The following MYO1E variants were observed in gnomAD, a reference collection of about 807,000 sequenced individuals.
MYO1E encodes the protein myosin IE.
A neutral mutation model predicts 151.1 loss-of-function variants in MYO1E; 68 were observed. The ratio of observed to expected loss-of-function variants is 0.45; its 90% CI spans 0.37 to 0.55. The LOEUF is 0.55. Ranked by LOEUF, MYO1E falls within the 20% of genes least tolerant of loss-of-function variation. The probability of loss-of-function intolerance (pLI) is 0.00; values close to 1 mark genes in which losing one functional copy is unlikely to be tolerated. For synonymous variants in MYO1E, 601 were observed against 501.7 expected, an observed-to-expected ratio of 1.20 and a Z score of -2.64; for missense variants, 1,363 against 1,389.3, an observed-to-expected ratio of 0.98 and a Z score of 0.30.
chr15:59,221,365 A>T (rs4775133), intron 9 of MYO1E, among the ~76,000 whole-genome samples: 142,977 of 152,086 alleles, frequency 0.94, 67,826 homozygotes, highest in East Asian at 1. Context: ...TAAGCCCCCA[A>T]TATTGCACAA....
At chr15:59,236,019 T>A (rs1387927774) in intron 5 of MYO1E, among the ~76,000 whole-genome samples, 1 of 152,190 alleles carries the variant, frequency 6.6e-6, no homozygotes, top group African/African-American at 2.4e-5. Flanking sequence ...GGGCTGCTGA[T>A]CTTTTTATTG....
chr15:59,252,523 T>C (rs1439144169), intron 4 of MYO1E, among the ~76,000 whole-genome samples: 1 of 152,188 alleles, frequency 6.6e-6, no homozygotes, highest in African/African-American at 2.4e-5. Flanking sequence ...GAGACCAGCC[T>C]GGCCAACATG....
At chr15:59,249,069 T>G (rs4077169) in intron 4 of MYO1E, among the ~76,000 whole-genome samples, 119,550 of 152,072 alleles carry the variant, frequency 0.79, 47,700 homozygotes, top group Non-Finnish European at 0.85. Context: ...GGACCTAGGC[T>G]TCCATGGAGC....
At chr15:59,138,479 C>G in intron 26 of MYO1E, 112 bp from the exon 27 acceptor site, 2 of 1,188,898 alleles carry the variant, frequency 1.7e-6, no homozygotes, top group Non-Finnish European at 2.4e-6. Context: ...AAATCCAGCT[C>G]CATCCTTAGA....
chr15:59,172,603 T>C (rs1278348395), intron 21 of MYO1E, among the ~76,000 whole-genome samples: 4 of 152,066 alleles, frequency 2.6e-5, no homozygotes, highest in Admixed American at 2.6e-4. Flanking sequence ...TCATATGGAG[T>C]CACTTCACAT....
chr15:59,228,523 T>G (rs2080005733), intron 6 of MYO1E, among the ~76,000 whole-genome samples: 1 of 151,228 alleles, frequency 6.6e-6, no homozygotes, highest in East Asian at 1.9e-4. Context: ...TAACAATTAT[T>G]ATATATATTT....
chr15:59,250,196 G>C (rs2080155831), intron 4 of MYO1E, among the ~76,000 whole-genome samples: 1 of 152,150 alleles, frequency 6.6e-6, no homozygotes, highest in Non-Finnish European at 1.5e-5. Flanking sequence ...TCCTTTCTTG[G>C]GGGCTTTGAC....
At chr15:59,260,551 G>A (rs77702254) in intron 3 of MYO1E, among the ~76,000 whole-genome samples, 1,603 of 152,240 alleles carry the variant, frequency 0.011, 33 homozygotes, top group African/African-American at 0.036. Flanking sequence ...GCAGAGATGG[G>A]GAGGCCTGGG....
Position 59,196,986 on chromosome 15 carries a change from C to CTTTTTTTTT in MYO1E, c.1699-1428_1699-1420dup. ...ATTTTAGTTTTGTATTTAATTACGA[C>CTTTTTTTTT]TTTTTTTTTTTTTTTTTTTTTTTTG... On this transcript the variant is annotated intron_variant, in intron 16 of 27. Transcript: ENST00000288235. Among the ~76,000 whole-genome samples the CTTTTTTTTT allele has an allele frequency of 4.3e-3, 305 of 71,512 alleles. 36 individuals are homozygous for CTTTTTTTTT. The highest frequency in any genetic ancestry group is 7.1e-3 in the East Asian group (13 of 1,824). 46.9% of individuals were successfully genotyped at this position (71,512 alleles called of 152,430 possible). A position where few individuals can be genotyped will look rare whatever the true frequency, so the allele number is the denominator to read the frequency against.
At chr15:59,141,898 G>A (rs1371967933) in intron 26 of MYO1E, among the ~76,000 whole-genome samples, 2 of 151,878 alleles carry the variant, frequency 1.3e-5, no homozygotes, top group South Asian at 2.1e-4. Context: ...ATGAGGTCAG[G>A]AGATAGAGAC....
intron 22 of MYO1E, among the ~76,000 whole-genome samples, chr15:59,163,684 A>G (rs2079549926): frequency 6.6e-6 from 1 of 152,210 alleles, no homozygotes; most frequent in African/African-American, 2.4e-5. Context: ...GGATGACTCT[A>G]CATTTAAGTT....
chr15:59,324,371 A>T (rs2140418956), intron 1 of MYO1E, among the ~76,000 whole-genome samples: 1 of 152,358 alleles, frequency 6.6e-6, no homozygotes, highest in South Asian at 2.1e-4. Context: ...CCCCTCGCCT[A>T]TGAGCAACAC....
intron 1 of MYO1E, among the ~76,000 whole-genome samples, chr15:59,297,988 G>A (rs2899648): frequency 0.48 from 72,607 of 152,026 alleles, 20,206 homozygotes; most frequent in Middle Eastern, 0.67. Flanking sequence ...TCACATTTTT[G>A]ACTAGAATTC....
intron 17 of MYO1E, among the ~76,000 whole-genome samples, chr15:59,192,182 C>T (rs1040662775): frequency 2.0e-5 from 3 of 151,296 alleles, no homozygotes; most frequent in African/African-American, 4.9e-5. Context: ...TCCCAGAAAG[C>T]GGTCTTACTG....
intron 16 of MYO1E, among the ~76,000 whole-genome samples, chr15:59,199,198 C>A (rs142309926): frequency 0.047 from 7,085 of 152,174 alleles, 216 homozygotes; most frequent in South Asian, 0.082. Context: ...CTGGGCTCAA[C>A]CAATTCTCCT....
chr15:59,207,684 T>C, intron 14 of MYO1E: 1 of 1,614,202 alleles, frequency 6.2e-7, no homozygotes, highest in Non-Finnish European at 8.5e-7. Flanking sequence ...CAAGTGTTCC[T>C]GTGTGGAGTG....
chr15:59,209,813 ACCTTTTTTTTT>A (rs2079866546), intron 13 of MYO1E, among the ~76,000 whole-genome samples: 2 of 71,166 alleles, frequency 2.8e-5, no homozygotes, highest in African/African-American at 4.8e-5. Context: ...ATTTTGAATC[ACCTTTTTTTTT>A]TTTTTTTTTT....
Position 59,208,827 on chromosome 15 carries a change from T to C in MYO1E, c.1384A>G (p.Ile462Val). The C allele has an allele frequency of 1.2e-6, 2 of 1,614,224 alleles. No individual in the cohort carries two copies. Among genetic ancestry groups the C allele is most frequent in the South Asian group, 1.1e-5 (1 of 91,086 alleles). Residue 462 changes from isoleucine (I) to valine (V), a missense_variant, in exon 14 of 28, where the codon ATC becomes GTC. Physicochemically the swap from Ile to Val is conservative, Grantham distance 29 (BLOSUM62 3). Transcript: ENST00000288235. Reference protein sequence around the residue: ...NKVNPPGIMSILDDVCATMHA... With the variant: ...NKVNPPGIMSVLDDVCATMHA... Reference sequence around the variant, plus strand: ...ATCGTGGCGCACACGTCATCCAGGATGCTCATGATGCCAGGAGGGTTCTGA... The same window carrying C: ...ATCGTGGCGCACACGTCATCCAGGACGCTCATGATGCCAGGAGGGTTCTGA...
rs188694704 is a variant in MYO1E, at chr15:59,138,224, T to G, written c.3224A>C (p.Asn1075Thr). The change falls in exon 27 of 28, where the codon AAT becomes ACT. Residue 1075 changes from asparagine (N) to threonine (T), a missense_variant. Transcript: ENST00000288235. ...QDTDELSFNA[N>T]DIIDIIKEDP... ...TTCTTTGATAATATCAATAATGTCA[T>G]TGGCATTAAAGCTGAGTTCGTCTGT... 2 of 1,614,216 alleles carry G rather than the reference T, an allele frequency of 1.2e-6. No homozygotes were observed. The highest frequency in any genetic ancestry group is 2.2e-5 in the South Asian group (2 of 91,084).
Sources: allele counts gnomAD v4.1 joint callset (sites outside exome capture counted in the v4.1 genomes callset), GRCh38; gene constraint gnomAD v4.1.1; transcripts MANE v1.5; gene names NCBI Gene and HGNC (gene_info 2026-07-23, HGNC 2026-07-21).